The following WWOX variants were observed in gnomAD, a reference collection of about 807,000 sequenced individuals.
The protein encoded by WWOX is WW domain containing oxidoreductase, also known as WW domain-containing oxidoreductase.
Under a neutral mutation model 46.2 loss-of-function variants are expected in WWOX, and 69 were observed. That is an observed-to-expected ratio of 1.49 (90% CI 1.23 to 1.82). The LOEUF is 1.82. Among genes scored for constraint, WWOX ranks in the 40% most tolerant of loss-of-function variants. The pLI is 0.00. For synonymous variants in WWOX, 359 were observed against 202.6 expected, an observed-to-expected ratio of 1.77 and a Z score of -6.56; for missense variants, 919 against 542.6, an observed-to-expected ratio of 1.69 and a Z score of -6.89.
chr16:78,618,480 C>G (rs770556290), intron 8 of WWOX, among the ~76,000 whole-genome samples: 1 of 152,112 alleles, frequency 6.6e-6, no homozygotes, highest in Non-Finnish European at 1.5e-5. Context: ...TCCTTATGGC[C>G]TCTTCTTGTG....
chr16:78,751,531 CATATA>C (rs1183385077), intron 8 of WWOX, among the ~76,000 whole-genome samples: 1 of 146,410 alleles, frequency 6.8e-6, no homozygotes, highest in East Asian at 2.0e-4. Flanking sequence ...ACCCAAAACT[CATATA>C]AAAAGACAAG....
At chr16:78,705,765 C>G (rs2048315969) in intron 8 of WWOX, among the ~76,000 whole-genome samples, 1 of 152,174 alleles carries the variant, frequency 6.6e-6, no homozygotes, top group Non-Finnish European at 1.5e-5. Context: ...AGAGCACATA[C>G]TGCTTTTGTG....
intron 8 of WWOX, among the ~76,000 whole-genome samples, chr16:78,444,714 T>C (rs1348014558): frequency 6.6e-6 from 1 of 151,868 alleles, no homozygotes. Context: ...GTATTCTTAG[T>C]AGAGACGAGG....
chr16:78,927,666 G>A (rs1410881045), intron 8 of WWOX, among the ~76,000 whole-genome samples: 1 of 152,068 alleles, frequency 6.6e-6, no homozygotes, highest in Non-Finnish European at 1.5e-5. Flanking sequence ...GGTAATTAAG[G>A]CATAATTATC....
chr16:78,880,466 C>G (rs1226242278), intron 8 of WWOX, among the ~76,000 whole-genome samples: 1 of 152,168 alleles, frequency 6.6e-6, no homozygotes, highest in Non-Finnish European at 1.5e-5. Flanking sequence ...CTTTCCTTCT[C>G]TGTTTAAATA....
At chr16:78,510,172 G>C (rs1212424041) in intron 8 of WWOX, among the ~76,000 whole-genome samples, 1 of 152,122 alleles carries the variant, frequency 6.6e-6, no homozygotes, top group Admixed American at 6.5e-5. Context: ...TGAAGAGTGA[G>C]TGATGTATCA....
intron 5 of WWOX, among the ~76,000 whole-genome samples, chr16:78,353,263 A>G (rs1225666985): frequency 1.3e-5 from 2 of 152,200 alleles, no homozygotes; most frequent in African/African-American, 4.8e-5. Flanking sequence ...CTCAAGAGAA[A>G]AAGACACAGA....
intron 8 of WWOX, among the ~76,000 whole-genome samples, chr16:78,982,562 T>C (rs751023513): frequency 6.6e-5 from 10 of 152,210 alleles, no homozygotes; most frequent in Non-Finnish European, 1.0e-4. Flanking sequence ...TAGGGAGTTA[T>C]CAATTACATG....
rs374872614 is a variant in WWOX, at chr16:79,006,330, C to T, written c.1057-205278C>T. 9.2e-5 allele frequency among the ~76,000 whole-genome samples: 14 copies of T among 152,156 alleles called. No homozygotes were observed. In the East Asian group the frequency reaches 1.4e-3, roughly 15 times the overall value. On this transcript the variant is annotated intron_variant, in intron 8 of 8. Coordinates refer to ENST00000566780, the MANE Select transcript of WWOX (RefSeq NM_016373.4). ...AGGGACACACAGCCGTGCAGAGACC[C>T]GGGGGCCTCAGCAGGTTAGAGTGTC...
At chr16:79,148,293 G>C (rs2050216442) in intron 8 of WWOX, among the ~76,000 whole-genome samples, 1 of 152,072 alleles carries the variant, frequency 6.6e-6, no homozygotes. Flanking sequence ...TTTTGCCTAG[G>C]AACATCTCAT....
chr16:79,010,826 G>T (rs1332401618), intron 8 of WWOX, among the ~76,000 whole-genome samples: 1 of 151,496 alleles, frequency 6.6e-6, no homozygotes, highest in African/African-American at 2.4e-5. Flanking sequence ...GGGGGTGGGG[G>T]TTCAGTGACA....
At chr16:78,913,532 AC>A (rs1380161429) in intron 8 of WWOX, among the ~76,000 whole-genome samples, 1 of 152,038 alleles carries the variant, frequency 6.6e-6, no homozygotes, top group Admixed American at 6.6e-5. Context: ...CCCTGAGTTC[AC>A]CACCCAGAGC....
intron 8 of WWOX, among the ~76,000 whole-genome samples, chr16:79,177,179 A>T (rs1457097450): frequency 6.6e-6 from 1 of 152,064 alleles, no homozygotes; most frequent in Non-Finnish European, 1.5e-5. Context: ...TGAAGTTCAC[A>T]TTGAAGTGTG....
At chr16:78,868,215 G>C (rs746929531) in intron 8 of WWOX, among the ~76,000 whole-genome samples, 1 of 152,124 alleles carries the variant, frequency 6.6e-6, no homozygotes, top group Non-Finnish European at 1.5e-5. Context: ...ACTAACTCTG[G>C]ATACCTTTAA....
chr16:78,220,309 C>G (rs1445026777), intron 5 of WWOX, among the ~76,000 whole-genome samples: 1 of 152,168 alleles, frequency 6.6e-6, no homozygotes, highest in Non-Finnish European at 1.5e-5. Context: ...ATTTCATACA[C>G]TTAAATGTAC....
Position 78,568,488 on chromosome 16 carries a change from T to G in WWOX, c.1056+135736T>G, listed in dbSNP as rs189200364. On this transcript the variant is annotated intron_variant, in intron 8 of 8. Coordinates refer to ENST00000566780, the MANE Select transcript of WWOX (RefSeq NM_016373.4). ...AAAGCTTCCAACTTTTTTTTTTTTT[T>G]TTTTTGAGTTGGAGTCGCACTCTTT... Among the ~76,000 whole-genome samples, 817 of 150,578 alleles carry G rather than the reference T, an allele frequency of 5.4e-3. 9 individuals carry two copies. The highest frequency in any genetic ancestry group is 0.019 in the African/African-American group (795 of 40,916).
intron 8 of WWOX, among the ~76,000 whole-genome samples, chr16:78,706,526 C>T (rs894977747): frequency 6.6e-6 from 1 of 152,160 alleles, no homozygotes; most frequent in Non-Finnish European, 1.5e-5. Context: ...TATATTCTTT[C>T]ATTCGTCAAC....
At position 78,373,728 on chromosome 16, in the gene WWOX, T is replaced by C. The variant is rs528458758; in HGVS notation, c.517-13132T>C. Among the ~76,000 whole-genome samples, 10 of 152,320 alleles carry C rather than the reference T, an allele frequency of 6.6e-5. No individual in the cohort carries two copies. The East Asian group carries it at 1.5e-3, about 24-fold the overall frequency. On this transcript the variant is annotated intron_variant, in intron 5 of 8. Transcript: ENST00000566780. The stretch of plus-strand genomic sequence containing the variant: ...GATGACTGATAAATTTGAAATAATT[T>C]CTGTATTTCATTGTGTTTTCTTCAC...
intron 8 of WWOX, among the ~76,000 whole-genome samples, chr16:78,746,473 A>C (rs2049349356): frequency 6.6e-6 from 1 of 151,962 alleles, no homozygotes; most frequent in South Asian, 2.1e-4. Flanking sequence ...ACTCCAGTAC[A>C]CTCCAGGACT....
Sources: allele counts gnomAD v4.1 joint callset (sites outside exome capture counted in the v4.1 genomes callset), GRCh38; gene constraint gnomAD v4.1.1; transcripts MANE v1.5; gene names NCBI Gene and HGNC (gene_info 2026-07-23, HGNC 2026-07-21).